Variants in NDUFA10 observed in about 807,000 individuals in gnomAD.
NDUFA10 encodes NADH:ubiquinone oxidoreductase subunit A10.
In NDUFA10, 40 loss-of-function variants were observed where a neutral mutation model predicts 47.8. The ratio of observed to expected loss-of-function variants is 0.84; its 90% CI spans 0.65 to 1.09. The LOEUF (loss-of-function observed/expected upper bound fraction) is 1.09. Among genes scored for constraint, NDUFA10 ranks in the 50% least tolerant of loss-of-function variants. The pLI, the probability that NDUFA10 is intolerant of heterozygous loss-of-function variation, is 0.00. For missense variants in NDUFA10, 413 were observed against 451.1 expected (o/e 0.92, Z 0.76); for synonymous variants, 183 against 172.2 (o/e 1.06, Z -0.49).
rs1321002258 is a variant in NDUFA10, at chr2:240,019,625, C to T, written c.461-986G>A. On this transcript the variant is annotated intron_variant, in intron 3 of 9. Coordinates refer to ENST00000252711, the MANE Select transcript of NDUFA10 (RefSeq NM_004544.4). The stretch of plus-strand genomic sequence containing the variant: ...CGAGGTCAGGAGATCGAGACCATCC[C>T]GGCTAAAACGGTGAAACCCCGTCTC... 1.3e-4 allele frequency among the ~76,000 whole-genome samples: 4 copies of T among 30,900 alleles called. 1 individual carries two copies. The highest frequency in any genetic ancestry group is 2.1e-4 in the Non-Finnish European group (3 of 14,178). 20.3% of individuals were successfully genotyped at this position (30,900 alleles called of 152,430 possible).
Position 239,958,807 on chromosome 2 carries a change from T to G in NDUFA10, c.*2311A>C, listed in dbSNP as rs979222543. The G allele has an allele frequency of 2.6e-6, 1 of 391,972 alleles. No individual in the cohort carries two copies. Among genetic ancestry groups the G allele is most frequent in the Non-Finnish European group, 3.5e-6 (1 of 287,828 alleles). The allele number at this position is 391,972 out of a possible 1,614,324, so 24.3% of individuals were successfully genotyped here. ...CAGAATTCTCATGCCTGTAAACACA[T>G]GCCTGTATGAATAAAATCCAGACAC... is the stretch of plus-strand genomic sequence containing the variant. On this transcript the variant is annotated 3_prime_UTR_variant, in exon 10 of 10. Coordinates refer to ENST00000252711, the MANE Select transcript of NDUFA10 (RefSeq NM_004544.4).
At chr2:239,926,005 G>A (rs1437808763) in intron 4 of NDUFA10, among the ~76,000 whole-genome samples, 2 of 152,228 alleles carry the variant, frequency 1.3e-5, no homozygotes, top group African/African-American at 2.4e-5. Flanking sequence ...AAAGCCTGAC[G>A]AGGATGCTGA....
chr2:239,972,487 G>A (rs1270447588), intron 9 of NDUFA10, among the ~76,000 whole-genome samples: 4 of 151,910 alleles, frequency 2.6e-5, no homozygotes, highest in African/African-American at 4.8e-5. Flanking sequence ...AATCAATTCT[G>A]CTTGGAGTTT....
rs1342105344 is a variant in NDUFA10 at position 240,016,184 on chromosome 2, G to A, written c.548-1324C>T. Among the ~76,000 whole-genome samples the A allele has an allele frequency of 6.6e-6, 1 of 152,234 alleles. No homozygotes were observed. The highest frequency in any genetic ancestry group is 2.4e-5 in the African/African-American group (1 of 41,456). ...CTAAAGAACAAGGAAGACCACCCAG[G>A]AGGAGGTGTGACAAAGCAAAGGACG... On this transcript the variant is annotated intron_variant, in intron 4 of 9. Transcript: ENST00000252711. The surrounding 1 kb of genome is among the most constrained non-coding windows in gnomAD (Gnocchi z 4.4).
At chr2:239,910,693 C>A (rs1178377483) in intron 4 of NDUFA10, among the ~76,000 whole-genome samples, 1 of 152,044 alleles carries the variant, frequency 6.6e-6, no homozygotes, top group African/African-American at 2.4e-5. Context: ...CCCACACGCC[C>A]CGCACCTGTA....
At chr2:239,981,770 G>A (rs185034907) in intron 9 of NDUFA10, among the ~76,000 whole-genome samples, 19 of 152,188 alleles carry the variant, frequency 1.2e-4, no homozygotes, top group African/African-American at 4.6e-4. Flanking sequence ...CACAGTGCAA[G>A]TATATTTTAA....
intron 4 of NDUFA10, among the ~76,000 whole-genome samples, chr2:239,897,142 T>G (rs538343179): frequency 6.6e-6 from 1 of 151,382 alleles, no homozygotes; most frequent in Non-Finnish European, 1.5e-5. Flanking sequence ...GGAAATCACT[T>G]TTTATCTCAA....
intron 9 of NDUFA10, among the ~76,000 whole-genome samples, chr2:239,964,536 T>A (rs1046342619): frequency 6.6e-6 from 1 of 152,114 alleles, no homozygotes; most frequent in Non-Finnish European, 1.5e-5. Flanking sequence ...TGTCTGCTTT[T>A]TATGATGGGA....
At chr2:239,982,315 G>A in intron 9 of NDUFA10, 1 of 1,518,710 alleles carries the variant, frequency 6.6e-7, no homozygotes, top group Non-Finnish European at 8.9e-7. Context: ...TTTTCATAAA[G>A]CAAAACCTGA....
At chr2:239,899,374 G>A (rs866467233) in intron 4 of NDUFA10, among the ~76,000 whole-genome samples, 101 of 111,664 alleles carry the variant, frequency 9.0e-4, no homozygotes, top group African/African-American at 2.4e-3. Context: ...GTGATGGAGG[G>A]GTGTGGAGGG....
At chr2:239,920,338 G>T (rs1011182541) in intron 4 of NDUFA10, among the ~76,000 whole-genome samples, 2 of 152,192 alleles carry the variant, frequency 1.3e-5, no homozygotes, top group African/African-American at 4.8e-5. Context: ...TTGTACAGCA[G>T]CCCAGACTGA....
rs1411943694 is a variant in NDUFA10 at position 239,990,096 on chromosome 2, C to T, written c.977G>A (p.Arg326His). 7 of 1,611,936 alleles carry T rather than the reference C, an allele frequency of 4.3e-6. No homozygotes were observed. The highest frequency in any genetic ancestry group is 2.7e-5 in the African/African-American group (2 of 74,980). Residue 326 changes from arginine to histidine, a missense_variant, in exon 9 of 10, where the codon CGT becomes CAT. Arg to His is a conservative substitution (Grantham distance 29). Transcript: ENST00000252711. ...TACCTCTCTGAACTGATGTAAGACA[C>T]GGTCAGTCTGATGAGCTCCAATGGT... The part of the protein sequence containing the change: ...EVTIGAHQTD[R>H]VLHQFRELPG...
At chr2:239,950,974 C>T (rs11684940) in intron 4 of NDUFA10, among the ~76,000 whole-genome samples, 19,383 of 152,274 alleles carry the variant, frequency 0.13, 1,466 homozygotes, top group Non-Finnish European at 0.17. Context: ...GCTTCCAGTA[C>T]GTTCCGCTTC....
intron 4 of NDUFA10, among the ~76,000 whole-genome samples, chr2:239,905,282 C>A (rs192719899): frequency 6.6e-6 from 1 of 152,314 alleles, no homozygotes; most frequent in Non-Finnish European, 1.5e-5. Flanking sequence ...AAGGACAACC[C>A]TTTGAGTCTC....
At chr2:239,904,770 T>TA (rs1157656751) in intron 4 of NDUFA10, among the ~76,000 whole-genome samples, 1 of 152,208 alleles carries the variant, frequency 6.6e-6, no homozygotes, top group Non-Finnish European at 1.5e-5. Flanking sequence ...ACACACTATC[T>TA]TAGCTCTGAG....
At chr2:239,991,235 A>G (rs1221407379) in intron 8 of NDUFA10, among the ~76,000 whole-genome samples, 1 of 152,210 alleles carries the variant, frequency 6.6e-6, no homozygotes, top group East Asian at 1.9e-4. Flanking sequence ...ACCTGCGGCA[A>G]GCTGAAGATG....
intron 9 of NDUFA10, chr2:239,982,140 C>G: frequency 6.2e-7 from 1 of 1,612,824 alleles, no homozygotes; most frequent in Non-Finnish European, 8.5e-7. Flanking sequence ...AAGGTCTTCC[C>G]ACCTCCAAAG....
intron 4 of NDUFA10, among the ~76,000 whole-genome samples, chr2:239,929,227 G>A (rs1694117134): frequency 6.6e-6 from 1 of 152,196 alleles, no homozygotes; most frequent in Non-Finnish European, 1.5e-5. Context: ...TGGCCTGGCT[G>A]CTGCCCTGGA....
Position 239,983,821 on chromosome 2 carries a change from G to C in NDUFA10, c.999+6253C>G, listed in dbSNP as rs183721683. ...TCTGAGAAAATGTTACAACCAAGAGGTACCTAAGGAGACATGAGGACCCAA... is the reference window on the plus strand; with the variant it reads ...TCTGAGAAAATGTTACAACCAAGAGCTACCTAAGGAGACATGAGGACCCAA... On this transcript the variant is annotated intron_variant, in intron 9 of 9. Transcript: ENST00000252711. 3 of 1,483,936 alleles carry C rather than the reference G, an allele frequency of 2.0e-6. No homozygotes were observed. The East Asian group carries it at 7.5e-5, about 37-fold the overall frequency. The allele number at this position is 1,483,936 out of a possible 1,614,324, so 91.9% of individuals were successfully genotyped here.
Sources: allele counts gnomAD v4.1 joint callset (sites outside exome capture counted in the v4.1 genomes callset), GRCh38; gene constraint gnomAD v4.1.1; non-coding constraint Gnocchi (gnomAD v3.1); transcripts MANE v1.5; gene names NCBI Gene and HGNC (gene_info 2026-07-23, HGNC 2026-07-21).